DHTKD1: variants seen among roughly 807,000 people sequenced by gnomAD.
The protein encoded by DHTKD1 is 2-oxoadipate dehydrogenase complex component E1.
Under a neutral mutation model 101.8 loss-of-function variants are expected in DHTKD1, and 78 were observed. The observed-to-expected ratio is 0.77, with a 90% CI of 0.64 to 0.93. The LOEUF is 0.93. Among genes scored for constraint, DHTKD1 ranks in the 40% least tolerant of loss-of-function variants. The probability of loss-of-function intolerance (pLI) is 0.00; values close to 1 mark genes in which losing one functional copy is unlikely to be tolerated. For missense variants in DHTKD1, 1,223 were observed against 1,161.7 expected (o/e 1.05, Z -0.77); for synonymous variants, 462 against 450.3 (o/e 1.03, Z -0.33).
chr10:12,116,225 C>T (rs917518472), intron 13 of DHTKD1: 8 of 152,238 alleles, frequency 5.3e-5, no homozygotes, highest in African/African-American at 1.9e-4. Flanking sequence ...GCCACCACGT[C>T]TGGCCTGATT....
intron 6 of DHTKD1, among the ~76,000 whole-genome samples, chr10:12,093,348 C>G (rs1269117739): frequency 3.3e-5 from 5 of 152,122 alleles, no homozygotes; most frequent in African/African-American, 1.2e-4. Flanking sequence ...CTGGCCACAG[C>G]TAATTTTTAA....
At chr10:12,091,187 G>C (rs906158945) in intron 5 of DHTKD1, among the ~76,000 whole-genome samples, 6 of 152,050 alleles carry the variant, frequency 3.9e-5, no homozygotes, top group African/African-American at 1.4e-4. Flanking sequence ...AAGGAGGGTG[G>C]ATCACCTGAG....
chr10:12,089,321 G>A lies in DHTKD1; in HGVS notation c.987+66G>A, dbSNP rs994054591. ...ACTGGGAAGAATGTGTGGGTTGGGA[G>A]GGCTGAAAGCACATGGCAGACATTC... is the stretch of plus-strand genomic sequence containing the variant. On this transcript the variant is annotated intron_variant, in intron 5 of 16. Transcript: ENST00000263035. 6.1e-6 allele frequency: 9 copies of A among 1,471,676 alleles called. No individual in the cohort carries two copies. In the African/African-American group the frequency reaches 9.7e-5, roughly 16 times the overall value. The allele number at this position is 1,471,676 out of a possible 1,614,324, so 91.2% of individuals were successfully genotyped here.
intron 2 of DHTKD1, among the ~76,000 whole-genome samples, chr10:12,082,542 A>G (rs900449878): frequency 2.0e-5 from 3 of 151,806 alleles, no homozygotes; most frequent in Non-Finnish European, 2.9e-5. Context: ...TAAACCCTCA[A>G]TGATCATTTT....
rs768404654 is a variant in DHTKD1, at chr10:12,106,308, G to C, written c.1959G>C (p.Glu653Asp). The change falls in exon 11 of 17, where the codon GAG (glutamate) becomes GAC (aspartate). Residue 653 changes from glutamate (E) to aspartate (D), a missense_variant. Glu to Asp is a conservative substitution (Grantham distance 45). Coordinates refer to ENST00000263035, the MANE Select transcript of DHTKD1 (RefSeq NM_018706.7). The part of the protein sequence containing the change: ...VLGFEYGMSI[E>D]SPKLLPLWEA... ...GATTTGAATATGGGATGAGCATTGA[G>C]AGCCCAAAGTTACTGCCCCTGTGGG... is the stretch of plus-strand genomic sequence containing the variant. 8 of 1,614,184 alleles carry C rather than the reference G, an allele frequency of 5.0e-6. No homozygotes were observed. The South Asian group carries it at 8.8e-5, about 18-fold the overall frequency.
intron 10 of DHTKD1, among the ~76,000 whole-genome samples, chr10:12,105,829 C>G (rs957950807): frequency 1.3e-5 from 2 of 152,112 alleles, no homozygotes; most frequent in Non-Finnish European, 2.9e-5. Context: ...GGCGTGGTGG[C>G]TCATGCTGTA....
intron 13 of DHTKD1, among the ~76,000 whole-genome samples, chr10:12,113,338 C>T (rs868119389): frequency 3.3e-5 from 5 of 152,144 alleles, no homozygotes; most frequent in Admixed American, 6.6e-5. Flanking sequence ...GCTGAGATTA[C>T]AGGCATGTGC....
At chr10:12,120,716 T>C in intron 16 of DHTKD1, 71 bp from the exon 17 acceptor site, 4 of 1,278,666 alleles carry the variant, frequency 3.1e-6, no homozygotes, top group Non-Finnish European at 3.4e-6. Context: ...ACATGCACTG[T>C]CTTGTTGGAA....
intron 12 of DHTKD1, 71 bp from the exon 13 acceptor site, chr10:12,112,829 C>T: frequency 1.4e-6 from 2 of 1,446,596 alleles, no homozygotes; most frequent in Non-Finnish European, 9.3e-7. Flanking sequence ...TCCCTTTGGC[C>T]AGCCCATTGT....
intron 1 of DHTKD1, among the ~76,000 whole-genome samples, chr10:12,080,353 A>G (rs1238338276): frequency 6.6e-6 from 1 of 151,908 alleles, no homozygotes; most frequent in Non-Finnish European, 1.5e-5. Context: ...ATACAAACCC[A>G]AGTGCATGGG....
intron 12 of DHTKD1, among the ~76,000 whole-genome samples, chr10:12,109,177 TAG>T (rs1833291244): frequency 6.6e-6 from 1 of 151,658 alleles, no homozygotes; most frequent in Non-Finnish European, 1.5e-5. Flanking sequence ...AAATAATAAA[TAG>T]AGATATCAAT....
intron 12 of DHTKD1, among the ~76,000 whole-genome samples, chr10:12,112,186 C>G (rs1221495924): frequency 6.6e-6 from 1 of 152,050 alleles, no homozygotes; most frequent in Admixed American, 6.6e-5. Flanking sequence ...TGGTAGCAGG[C>G]ACCTGTAGTC....
Position 12,087,595 on chromosome 10 carries a change from G to T in DHTKD1, c.583G>T (p.Ala195Ser). Residue 195 changes from alanine (A) to serine (S), a missense_variant, in exon 4 of 17, where the codon GCT becomes TCT. By Grantham distance (99) the Ala-to-Ser change is moderately conservative. Coordinates refer to ENST00000263035, the MANE Select transcript of DHTKD1 (RefSeq NM_018706.7). The surrounding 1 kb of genome is among the most constrained non-coding windows in gnomAD (Gnocchi z 5.2). Reference protein sequence around the residue: ...STVKRYGGEGAESMMGFFHEL... With the variant: ...STVKRYGGEGSESMMGFFHEL... ...AGTGAAGCGATATGGAGGCGAAGGG[G>T]CTGAAAGCATGATGGGCTTTTTCCA... The T allele has an allele frequency of 6.2e-7, 1 of 1,613,768 alleles. No homozygotes were observed. Among genetic ancestry groups the T allele is most frequent in the African/African-American group, 1.3e-5 (1 of 75,030 alleles).
intron 6 of DHTKD1, among the ~76,000 whole-genome samples, chr10:12,092,621 T>C (rs1425693059): frequency 6.6e-6 from 1 of 151,802 alleles, no homozygotes; most frequent in Middle Eastern, 3.2e-3. Context: ...CTGACCAACA[T>C]AGAGAAACCC....
intron 13 of DHTKD1, among the ~76,000 whole-genome samples, chr10:12,114,842 C>T (rs1833389830): frequency 6.6e-6 from 1 of 152,172 alleles, no homozygotes; most frequent in Non-Finnish European, 1.5e-5. Flanking sequence ...GTCGCCCAGG[C>T]TGGAGTGCAG....
At chr10:12,115,103 C>CT (rs1564398745) in intron 13 of DHTKD1, among the ~76,000 whole-genome samples, 2 of 3,222 alleles carry the variant, frequency 6.2e-4, no homozygotes, top group Non-Finnish European at 1.8e-3. Context: ...CCTGTTTGAA[C>CT]AGTTTCTTGA....
intron 2 of DHTKD1, among the ~76,000 whole-genome samples, chr10:12,083,157 CAA>C (rs59049794): frequency 4.6e-5 from 6 of 131,110 alleles, no homozygotes; most frequent in Admixed American, 7.8e-5. Flanking sequence ...GACTCCGTCT[CAA>C]AAAAAAAAAA....
chr10:12,116,284 T>A (rs1364643836), intron 13 of DHTKD1: 1 of 152,154 alleles, frequency 6.6e-6, no homozygotes, highest in Admixed American at 6.6e-5. Flanking sequence ...TTTCTTAAAT[T>A]CATTTTTTAA....
Position 12,087,790 on chromosome 10 carries a change from T to C in DHTKD1, c.717+61T>C. The C allele has an allele frequency of 2.2e-6, 3 of 1,375,242 alleles. No individual in the cohort carries two copies. Among genetic ancestry groups the C allele is most frequent in the Non-Finnish European group, 2.9e-6 (3 of 1,025,502 alleles). 85.2% of individuals were successfully genotyped at this position (1,375,242 alleles called of 1,614,324 possible). A position where few individuals can be genotyped will look rare whatever the true frequency, so the allele number is the denominator to read the frequency against. ...ATGATTGATTGTAACAGAATAAAACTGCTGGTTTCATTCTGGTGATAAATG... is the reference window on the plus strand; with the variant it reads ...ATGATTGATTGTAACAGAATAAAACCGCTGGTTTCATTCTGGTGATAAATG... On this transcript the variant is annotated intron_variant, in intron 4 of 16. Coordinates refer to ENST00000263035, the MANE Select transcript of DHTKD1 (RefSeq NM_018706.7). The surrounding 1 kb of genome is among the most constrained non-coding windows in gnomAD (Gnocchi z 5.2).
Sources: allele counts gnomAD v4.1 joint callset (sites outside exome capture counted in the v4.1 genomes callset), GRCh38; gene constraint gnomAD v4.1.1; non-coding constraint Gnocchi (gnomAD v3.1); transcripts MANE v1.5; gene names NCBI Gene and HGNC (gene_info 2026-07-23, HGNC 2026-07-21).